The following SLC36A1 variants were observed in gnomAD, a reference collection of about 807,000 sequenced individuals.
The protein encoded by SLC36A1 is solute carrier family 36 member 1.
Under a neutral mutation model 47.5 loss-of-function variants are expected in SLC36A1, and 30 were observed. That is an observed-to-expected ratio of 0.63 (90% CI 0.47 to 0.86). SLC36A1 has a LOEUF of 0.86. SLC36A1 is among the 40% of genes least tolerant of loss of function. The probability of loss-of-function intolerance (pLI) is 0.00; values close to 1 mark genes in which losing one functional copy is unlikely to be tolerated. For synonymous variants in SLC36A1, 255 were observed against 249.7 expected, an observed-to-expected ratio of 1.02 and a Z score of -0.20; for missense variants, 517 against 606.0, an observed-to-expected ratio of 0.85 and a Z score of 1.54.
the SLC36A1 span, among the ~76,000 whole-genome samples, chr5:151,421,804 A>G: frequency 6.8e-6 from 1 of 147,902 alleles, no homozygotes; most frequent in African/African-American, 2.5e-5. Flanking sequence ...GTTAGCCAGG[A>G]TGGTCTCAAT....
chr5:151,361,779 T>G, the SLC36A1 span, among the ~76,000 whole-genome samples: 1 of 152,242 alleles, frequency 6.6e-6, no homozygotes, highest in East Asian at 1.9e-4. Context: ...GGTAGTAAAT[T>G]CTATCATCTT....
chr5:151,541,282 C>T, the SLC36A1 span, among the ~76,000 whole-genome samples: 1 of 152,216 alleles, frequency 6.6e-6, no homozygotes, highest in Non-Finnish European at 1.5e-5. Context: ...ATGGATTTCT[C>T]ACTCTGAGAT....
chr5:151,421,161 C>A, the SLC36A1 span, among the ~76,000 whole-genome samples: 24,462 of 147,820 alleles, frequency 0.17, 2,242 homozygotes, highest in East Asian at 0.37. Context: ...GCGTGAGCCA[C>A]CACGCCCTTT....
chr5:151,484,343 A>G (rs1174529129), intron 10 of SLC36A1, among the ~76,000 whole-genome samples: 1 of 152,208 alleles, frequency 6.6e-6, no homozygotes, highest in African/African-American at 2.4e-5. Context: ...GGACTGAAGG[A>G]ATAACTCACA....
the SLC36A1 span, among the ~76,000 whole-genome samples, chr5:151,362,767 TTTG>T: frequency 1.3e-5 from 2 of 152,198 alleles, no homozygotes; most frequent in Non-Finnish European, 1.5e-5. Flanking sequence ...AGTTAAAAGA[TTTG>T]TTGTTGTTTT....
At chr5:151,500,802 G>C in the SLC36A1 span, among the ~76,000 whole-genome samples, 1 of 152,270 alleles carries the variant, frequency 6.6e-6, no homozygotes, top group Non-Finnish European at 1.5e-5. Context: ...ATGGTGAACT[G>C]CAAGTCTGCC....
At chr5:151,479,792 A>T in intron 10 of SLC36A1, 1 of 528,454 alleles carries the variant, frequency 1.9e-6, no homozygotes, top group Non-Finnish European at 3.3e-6. Context: ...ATATTAAATA[A>T]GGTAAAGGTC....
At chr5:151,420,226 A>G in the SLC36A1 span, among the ~76,000 whole-genome samples, 1 of 152,120 alleles carries the variant, frequency 6.6e-6, no homozygotes, top group African/African-American at 2.4e-5. Context: ...TTGGAGTTAT[A>G]CAAGGCCCTA....
the SLC36A1 span, chr5:151,543,761 C>G: frequency 6.2e-7 from 1 of 1,614,210 alleles, no homozygotes; most frequent in Non-Finnish European, 8.5e-7. Context: ...CCATCAGAAG[C>G]ACCTACCCTC....
chr5:151,394,755 C>A, the SLC36A1 span, among the ~76,000 whole-genome samples: 7 of 152,238 alleles, frequency 4.6e-5, no homozygotes, highest in Admixed American at 3.3e-4. Flanking sequence ...CTGATCGTTC[C>A]TCTGGAAGCT....
the SLC36A1 span, among the ~76,000 whole-genome samples, chr5:151,360,688 G>C: frequency 6.6e-6 from 1 of 152,130 alleles, no homozygotes; most frequent in Non-Finnish European, 1.5e-5. Context: ...TTTAGTTTCA[G>C]TACCTGTATC....
downstream of SLC36A1, among the ~76,000 whole-genome samples, chr5:151,493,783 CTGT>C (rs541619111): frequency 9.2e-5 from 14 of 152,322 alleles, no homozygotes; most frequent in South Asian, 2.9e-3. Context: ...GGCTGCCTGT[CTGT>C]TGCAGCCTCA....
chr5:151,411,757 G>A, the SLC36A1 span, among the ~76,000 whole-genome samples: 2 of 143,872 alleles, frequency 1.4e-5, no homozygotes, highest in African/African-American at 2.5e-5. Flanking sequence ...GTTGAACAAG[G>A]GTCCTTAGTA....
At chr5:151,516,920 A>G in the SLC36A1 span, among the ~76,000 whole-genome samples, 4 of 152,176 alleles carry the variant, frequency 2.6e-5, no homozygotes, top group East Asian at 7.7e-4. Flanking sequence ...AGCCTGGCCA[A>G]CATGGCAAAA....
the SLC36A1 span, chr5:151,381,264 C>G: frequency 0.26 from 67,112 of 256,038 alleles, 11,193 homozygotes; most frequent in African/African-American, 0.52. Context: ...TTGCTGCCAG[C>G]CTTCTCCTCA....
chr5:151,467,637 T>TC (rs1756634657), intron 6 of SLC36A1, 70 bp from the exon 7 acceptor site: 2 of 1,320,972 alleles, frequency 1.5e-6, no homozygotes, highest in Non-Finnish European at 2.2e-6. Flanking sequence ...AGGAACCTCT[T>TC]CCAGCAGAGG....
At chr5:151,544,950 A>G in the SLC36A1 span, 1 of 1,614,184 alleles carries the variant, frequency 6.2e-7, no homozygotes, top group Non-Finnish European at 8.5e-7. Context: ...CATCCTCAAT[A>G]GAGACTCTGA....
intron 9 of SLC36A1, among the ~76,000 whole-genome samples, chr5:151,479,013 T>C (rs1042428560): frequency 6.6e-6 from 1 of 152,254 alleles, no homozygotes; most frequent in African/African-American, 2.4e-5. Flanking sequence ...CCTCATACTT[T>C]GTTAAAAGCT....
At chr5:151,518,063 G>A in the SLC36A1 span, among the ~76,000 whole-genome samples, 1 of 152,168 alleles carries the variant, frequency 6.6e-6, no homozygotes, top group African/African-American at 2.4e-5. Context: ...AGGTGAGGTG[G>A]CTCATGCCTA....
Sources: allele counts gnomAD v4.1 joint callset (sites outside exome capture counted in the v4.1 genomes callset), GRCh38; gene constraint gnomAD v4.1.1; transcripts MANE v1.5; gene names NCBI Gene and HGNC (gene_info 2026-07-23, HGNC 2026-07-21).